Variants in SRGAP1 observed in about 807,000 individuals in gnomAD.
SRGAP1 encodes the protein SLIT-ROBO Rho GTPase-activating protein 1.
In SRGAP1, 43 loss-of-function variants were observed where a neutral mutation model predicts 121.9. The ratio of observed to expected loss-of-function variants is 0.35; its 90% confidence interval spans 0.28 to 0.46. The LOEUF (loss-of-function observed/expected upper bound fraction) is 0.46, where lower values mean the gene tolerates loss of function less well. SRGAP1 is among the 20% of genes least tolerant of loss of function. The probability of loss-of-function intolerance (pLI) is 1.00; values close to 1 mark genes in which losing one functional copy is unlikely to be tolerated. For synonymous variants in SRGAP1, 447 were observed against 485.4 expected (o/e 0.92, Z 1.04); for missense variants, 1,102 against 1,350.9 (o/e 0.82, Z 2.89).
Position 64,150,648 on chromosome 12 carries a change from C to G in SRGAP1, c.*7976C>G, listed in dbSNP as rs370380378. On this transcript the variant is annotated 3_prime_UTR_variant, in exon 22 of 22. Coordinates refer to ENST00000355086, the MANE Select transcript of SRGAP1 (RefSeq NM_020762.4). ...GTTCTGGGCCTTTGATGGACTGCAT[C>G]TATTAAAAACAAAAAGTGGTGTCTC... 17 of 79,436 alleles carry G rather than the reference C, an allele frequency of 2.1e-4. No individual in the cohort carries two copies. In the South Asian group the frequency reaches 6.9e-3, roughly 32 times the overall value. The allele number at this position is 79,436 out of a possible 1,614,324, so 4.9% of individuals were successfully genotyped here. A position where few individuals can be genotyped will look rare whatever the true frequency, so the allele number is the denominator to read the frequency against.
chr12:63,860,515 C>G (rs2136265613), intron 1 of SRGAP1, among the ~76,000 whole-genome samples: 1 of 152,198 alleles, frequency 6.6e-6, no homozygotes, highest in African/African-American at 2.4e-5. Context: ...TCATCTGGGT[C>G]TCACATTTTC....
chr12:64,097,027 G>A (rs998836519), intron 14 of SRGAP1, among the ~76,000 whole-genome samples: 2 of 152,124 alleles, frequency 1.3e-5, no homozygotes, highest in Admixed American at 1.3e-4. Context: ...AGTAGCATAA[G>A]ATTTTAAAAG....
intron 1 of SRGAP1, among the ~76,000 whole-genome samples, chr12:63,855,590 A>G (rs1899222668): frequency 7.1e-6 from 1 of 139,910 alleles, no homozygotes; most frequent in African/African-American, 2.7e-5. Flanking sequence ...TCCCAAGTTC[A>G]GGCAATTCTC....
Position 64,162,037 on chromosome 12 carries a change from G to C in SRGAP1, c.*19365G>C, listed in dbSNP as rs2037212519. On this transcript the variant is annotated 3_prime_UTR_variant, in exon 22 of 22. Coordinates refer to ENST00000355086, the MANE Select transcript of SRGAP1 (RefSeq NM_020762.4). ...GGCAAATCTATAAAAATACAAAGTA[G>C]ATTTGTAGTTGCTGAGGGCTGGGAA... 6.6e-6 allele frequency: 1 copy of C among 152,154 alleles called. No individual in the cohort carries two copies. Among genetic ancestry groups the C allele is most frequent in the Non-Finnish European group, 1.5e-5 (1 of 68,026 alleles). 9.4% of individuals were successfully genotyped at this position (152,154 alleles called of 1,614,324 possible). A position where few individuals can be genotyped will look rare whatever the true frequency, so the allele number is the denominator to read the frequency against.
intron 1 of SRGAP1, among the ~76,000 whole-genome samples, chr12:63,894,119 G>A (rs1300988571): frequency 3.3e-5 from 5 of 152,232 alleles, no homozygotes; most frequent in East Asian, 3.8e-4. Context: ...GATTACAGGC[G>A]TGAGCCACTA....
At chr12:63,894,123 G>C (rs1251132786) in intron 1 of SRGAP1, among the ~76,000 whole-genome samples, 2 of 152,242 alleles carry the variant, frequency 1.3e-5, no homozygotes, top group Non-Finnish European at 1.5e-5. Flanking sequence ...ACAGGCGTGA[G>C]CCACTACGCC....
chr12:63,869,467 ATG>A (rs35032011), intron 1 of SRGAP1, among the ~76,000 whole-genome samples: 6 of 151,180 alleles, frequency 4.0e-5, no homozygotes, highest in Non-Finnish European at 7.4e-5. Flanking sequence ...TATGGTATGT[ATG>A]TGTGTGTGTG....
chr12:64,004,527 C>G (rs1312884688), intron 3 of SRGAP1, among the ~76,000 whole-genome samples: 1 of 152,066 alleles, frequency 6.6e-6, no homozygotes, highest in Non-Finnish European at 1.5e-5. Context: ...CCCGCCACCA[C>G]GCCCAGCTAA....
At chr12:64,000,014 G>A (rs1474392287) in intron 3 of SRGAP1, among the ~76,000 whole-genome samples, 1 of 152,152 alleles carries the variant, frequency 6.6e-6, no homozygotes, top group Non-Finnish European at 1.5e-5. Context: ...TGAAGAAAAT[G>A]CTGCCAGGAG....
intron 1 of SRGAP1, among the ~76,000 whole-genome samples, chr12:63,981,810 G>A (rs1471980246): frequency 6.6e-6 from 1 of 152,166 alleles, no homozygotes; most frequent in Non-Finnish European, 1.5e-5. Flanking sequence ...TCTGAAGCCT[G>A]ACCTTATTGA....
chr12:64,112,196 A>G (rs917985605), intron 17 of SRGAP1, among the ~76,000 whole-genome samples: 6 of 152,240 alleles, frequency 3.9e-5, no homozygotes, highest in African/African-American at 1.4e-4. Flanking sequence ...CTTATCTTTC[A>G]AATAAATCTA....
chr12:64,131,397 G>A (rs1035880600), intron 21 of SRGAP1, among the ~76,000 whole-genome samples: 4 of 152,146 alleles, frequency 2.6e-5, no homozygotes, highest in African/African-American at 7.2e-5. Flanking sequence ...TCACACATCT[G>A]GCCATTCCTC....
chr12:63,867,843 T>TA (rs1202232216), intron 1 of SRGAP1, among the ~76,000 whole-genome samples: 4 of 150,938 alleles, frequency 2.7e-5, no homozygotes, highest in Non-Finnish European at 4.4e-5. Flanking sequence ...AAGCAAACAC[T>TA]AAAAAAAATG....
intron 6 of SRGAP1, among the ~76,000 whole-genome samples, chr12:64,055,174 T>C (rs1254543798): frequency 8.7e-5 from 13 of 148,690 alleles, no homozygotes; most frequent in African/African-American, 3.2e-4. Context: ...ACAAAATCAA[T>C]GTACAAAAAT....
At chr12:63,948,963 A>T (rs60036859) in intron 1 of SRGAP1, among the ~76,000 whole-genome samples, 1 of 84,600 alleles carries the variant, frequency 1.2e-5, no homozygotes, top group African/African-American at 4.3e-5. Context: ...TTCCATATAT[A>T]TATTTTCCAT....
intron 1 of SRGAP1, among the ~76,000 whole-genome samples, chr12:63,956,253 T>C (rs2032464959): frequency 6.6e-6 from 1 of 152,074 alleles, no homozygotes; most frequent in Admixed American, 6.6e-5. Context: ...ACTTCTGGGC[T>C]CAAGCGATCT....
intron 21 of SRGAP1, among the ~76,000 whole-genome samples, chr12:64,132,255 T>C (rs1242476529): frequency 6.6e-6 from 1 of 152,226 alleles, no homozygotes; most frequent in Non-Finnish European, 1.5e-5. Context: ...GTGATTCACC[T>C]ATGGGGGCCT....
chr12:64,076,156 C>T (rs1476724821), intron 8 of SRGAP1, among the ~76,000 whole-genome samples: 1 of 152,152 alleles, frequency 6.6e-6, no homozygotes. Context: ...TAAACATTCT[C>T]TTTGGAGGAT....
At chr12:63,962,419 T>C (rs2032668970) in intron 1 of SRGAP1, among the ~76,000 whole-genome samples, 1 of 152,162 alleles carries the variant, frequency 6.6e-6, no homozygotes, top group Non-Finnish European at 1.5e-5. Context: ...AGAAACATTC[T>C]TTTTTTGAGA....
Sources: gnomAD v4.1 joint callset for allele counts (sites outside exome capture counted in the v4.1 genomes callset) on GRCh38, gnomAD v4.1.1 for gene constraint, MANE v1.5 for transcripts, NCBI Gene and HGNC (gene_info 2026-07-23, HGNC 2026-07-21) for gene names.